AUTS2: variants seen among roughly 807,000 people sequenced by gnomAD.
AUTS2 encodes autism susceptibility gene 2 protein.
Under a neutral mutation model 112.4 loss-of-function variants are expected in AUTS2, and 17 were observed. That is an observed-to-expected ratio of 0.15 (90% CI 0.10 to 0.23). AUTS2 has a LOEUF of 0.23. Ranked by LOEUF, AUTS2 falls within the 10% of genes least tolerant of loss-of-function variation. AUTS2 has a pLI of 1.00. For missense variants in AUTS2, 1,510 were observed against 1,701.6 expected (o/e 0.89, Z 1.98); for synonymous variants, 751 against 702.7 (o/e 1.07, Z -1.09).
At chr7:70,368,915 G>A (rs920580184) in intron 4 of AUTS2, among the ~76,000 whole-genome samples, 1 of 152,138 alleles carries the variant, frequency 6.6e-6, no homozygotes, top group African/African-American at 2.4e-5. Flanking sequence ...ACAGCTGTTT[G>A]TTAAAATAAT....
At chr7:70,731,575 G>T (rs1478832939) in intron 6 of AUTS2, among the ~76,000 whole-genome samples, 1 of 151,440 alleles carries the variant, frequency 6.6e-6, no homozygotes, top group African/African-American at 2.4e-5. Flanking sequence ...TACTACAGGT[G>T]CCCGCCACCA....
At chr7:70,397,658 T>TAC (rs145934747) in intron 4 of AUTS2, among the ~76,000 whole-genome samples, 18,492 of 149,460 alleles carry the variant, frequency 0.12, 1,371 homozygotes, top group African/African-American at 0.21. Context: ...TACATGTATG[T>TAC]ACACACACAC....
At chr7:70,087,527 G>A (rs1238336707) in intron 2 of AUTS2, among the ~76,000 whole-genome samples, 4 of 151,566 alleles carry the variant, frequency 2.6e-5, no homozygotes, top group South Asian at 2.1e-4. Context: ...CCACCACCAC[G>A]CCTGGCTAAT....
At chr7:70,706,038 G>T (rs1027876683) in intron 6 of AUTS2, among the ~76,000 whole-genome samples, 1 of 152,130 alleles carries the variant, frequency 6.6e-6, no homozygotes. Flanking sequence ...GCATTTCCTC[G>T]TATACACCAC....
chr7:70,595,368 T>C (rs1434590819), intron 5 of AUTS2, among the ~76,000 whole-genome samples: 1 of 151,280 alleles, frequency 6.6e-6, no homozygotes, highest in East Asian at 1.9e-4. Context: ...GGCGGGGGAG[T>C]TTCTGAACTA....
At chr7:69,959,565 A>G (rs1797349066) in intron 2 of AUTS2, among the ~76,000 whole-genome samples, 1 of 152,124 alleles carries the variant, frequency 6.6e-6, no homozygotes, top group Non-Finnish European at 1.5e-5. Context: ...GTTATCACCT[A>G]GGATTCGCCC....
In AUTS2 at chr7:70,787,248, T is replaced by C. The variant is rs759084342; in HGVS notation, c.2348T>C (p.Val783Ala). The change falls in exon 18 of 19, where the codon GTG (valine) becomes GCG (alanine). Residue 783 changes from valine to alanine, a missense_variant. Transcript: ENST00000342771. ...SMFGHKDGPS[V>A]QNFSNPHEPW... is the part of the protein sequence containing the mutation. ...TTCGGCCACAAGGATGGCCCCAGTG[T>C]GCAGAACTTTAGCAACCCTCACGAA... 2.5e-6 allele frequency: 4 copies of C among 1,614,222 alleles called. No individual in the cohort carries two copies. Among genetic ancestry groups the C allele is most frequent in the Non-Finnish European group, 2.5e-6 (3 of 1,180,042 alleles).
intron 2 of AUTS2, among the ~76,000 whole-genome samples, chr7:69,996,954 A>G (rs1258380536): frequency 6.6e-6 from 1 of 150,676 alleles, no homozygotes; most frequent in Admixed American, 6.6e-5. Context: ...CTTAAAAAAA[A>G]AAAAAAAAAA....
At chr7:70,722,787 G>A (rs185959798) in intron 6 of AUTS2, among the ~76,000 whole-genome samples, 4 of 152,200 alleles carry the variant, frequency 2.6e-5, no homozygotes, top group South Asian at 4.2e-4. Context: ...TTCAAATTCC[G>A]TAAAGATCTG....
chr7:70,142,167 T>G (rs1234283609), intron 4 of AUTS2, among the ~76,000 whole-genome samples: 1 of 152,208 alleles, frequency 6.6e-6, no homozygotes, highest in Non-Finnish European at 1.5e-5. Flanking sequence ...AGCGGAAAAC[T>G]TAGGTGCTAC....
rs539283490 is a variant in AUTS2 at position 70,487,719 on chromosome 7, G to C, written c.690+51938G>C. On this transcript the variant is annotated intron_variant, in intron 5 of 18. Transcript: ENST00000342771. ...CTTTCCATCTCTCCTGGGGACTGGA[G>C]GCGTGCTGACAAGCCGTGAGGAGCG... Among the ~76,000 whole-genome samples the C allele has an allele frequency of 1.5e-3, 224 of 152,332 alleles. 1 individual carries two copies. The highest frequency in any genetic ancestry group is 2.1e-3 in the African/African-American group (89 of 41,562).
chr7:70,770,589 CTG>C (rs1430396349), intron 10 of AUTS2, among the ~76,000 whole-genome samples: 1 of 152,314 alleles, frequency 6.6e-6, no homozygotes, highest in East Asian at 1.9e-4. Context: ...TTCAGATTCT[CTG>C]TATTTTTTTC....
chr7:70,339,098 C>T (rs1323244952), intron 4 of AUTS2, among the ~76,000 whole-genome samples: 5 of 151,802 alleles, frequency 3.3e-5, no homozygotes, highest in Non-Finnish European at 5.9e-5. Context: ...CTCCTGACCT[C>T]GTGATCCGCC....
In AUTS2 at chr7:69,934,912, G is replaced by C. The variant is rs111579352; in HGVS notation, c.522+35414G>C. Among the ~76,000 whole-genome samples the C allele has an allele frequency of 4.2e-3, 633 of 152,298 alleles. 3 individuals carry two copies. The highest frequency in any genetic ancestry group is 7.1e-3 in the Non-Finnish European group (483 of 68,026). On this transcript the variant is annotated intron_variant, in intron 2 of 18. Coordinates refer to ENST00000342771, the MANE Select transcript of AUTS2 (RefSeq NM_015570.4). Reference sequence around the variant, plus strand: ...CCTGTGGAAAGGTAACAGGCTGTGGGTGTGTTATCCTCTGCCATTATGTGC... The same window carrying C: ...CCTGTGGAAAGGTAACAGGCTGTGGCTGTGTTATCCTCTGCCATTATGTGC...
At chr7:69,793,151 C>T (rs1233331453) in intron 1 of AUTS2, among the ~76,000 whole-genome samples, 1 of 152,146 alleles carries the variant, frequency 6.6e-6, no homozygotes, top group East Asian at 1.9e-4. Context: ...CAGTTTGAGT[C>T]CTGTGTTTGC....
chr7:70,364,808 A>C (rs1434395818), intron 4 of AUTS2, among the ~76,000 whole-genome samples: 1 of 152,208 alleles, frequency 6.6e-6, no homozygotes, highest in Non-Finnish European at 1.5e-5. Context: ...AGACAGAAGC[A>C]GAACCAGTTG....
intron 2 of AUTS2, among the ~76,000 whole-genome samples, chr7:69,997,088 C>T (rs976864502): frequency 7.2e-5 from 11 of 152,058 alleles, no homozygotes; most frequent in African/African-American, 2.4e-4. Context: ...ATTTAACGGT[C>T]TATCCTAAGT....
chr7:69,766,273 G>A (rs1298151624), intron 1 of AUTS2, among the ~76,000 whole-genome samples: 2 of 152,152 alleles, frequency 1.3e-5, no homozygotes, highest in Non-Finnish European at 2.9e-5. Flanking sequence ...TAGTATGTAT[G>A]TATCAGTATG....
intron 1 of AUTS2, among the ~76,000 whole-genome samples, chr7:69,719,852 A>G (rs908986020): frequency 2.0e-5 from 3 of 152,188 alleles, no homozygotes; most frequent in Non-Finnish European, 2.9e-5. Context: ...TTATGAAGGA[A>G]GGGAAACAGT....
Sources: allele counts gnomAD v4.1 joint callset (sites outside exome capture counted in the v4.1 genomes callset), GRCh38; gene constraint gnomAD v4.1.1; transcripts MANE v1.5; gene names NCBI Gene and HGNC (gene_info 2026-07-23, HGNC 2026-07-21).